SYN3: variants seen among roughly 807,000 people sequenced by gnomAD.
SYN3 encodes the protein synapsin III, also known as synapsin-3.
In SYN3, 35 loss-of-function variants were observed where a neutral mutation model predicts 65.8. The ratio of observed to expected loss-of-function variants is 0.53; its 90% CI spans 0.41 to 0.70. The LOEUF is 0.70. SYN3 is among the 30% of genes least tolerant of loss of function. The probability of loss-of-function intolerance (pLI) is 0.00; values close to 1 mark genes in which losing one functional copy is unlikely to be tolerated. For synonymous variants in SYN3, 270 were observed against 292.9 expected (o/e 0.92, Z 0.80); for missense variants, 680 against 749.0 (o/e 0.91, Z 1.08).
chr22:32,972,771 T>C (rs2052058335), intron 3 of SYN3, among the ~76,000 whole-genome samples: 3 of 152,038 alleles, frequency 2.0e-5, no homozygotes, highest in East Asian at 1.9e-4. Flanking sequence ...GGCAGGAGGA[T>C]TGCTTGAGCC....
intron 2 of SYN3, among the ~76,000 whole-genome samples, chr22:32,984,160 C>T (rs1474583855): frequency 2.9e-4 from 11 of 37,766 alleles, no homozygotes; most frequent in African/African-American, 1.4e-3. Flanking sequence ...GAAACTCCAT[C>T]CAAAAAAAAA....
intron 3 of SYN3, among the ~76,000 whole-genome samples, chr22:32,978,887 T>G (rs2052288548): frequency 6.6e-6 from 1 of 152,298 alleles, no homozygotes; most frequent in Admixed American, 6.5e-5. Flanking sequence ...ATCAATGTTA[T>G]TGTTCTGTAG....
intron 4 of SYN3, among the ~76,000 whole-genome samples, chr22:32,905,397 A>G (rs141676134): frequency 9.1e-4 from 139 of 152,328 alleles, no homozygotes; most frequent in Non-Finnish European, 1.5e-3. Context: ...GTCCCAGAGC[A>G]TAAGGCAAAG....
chr22:32,641,388 C>A lies in SYN3; in HGVS notation c.712-44652G>T, dbSNP rs185077758. On this transcript the variant is annotated intron_variant, in intron 6 of 13. Transcript: ENST00000358763. ...CTTTGGGAGGCTGAGGCAGGCGGAT[C>A]ATGAGGTCAGGAGATCGAGACCATT... Among the ~76,000 whole-genome samples, 546 of 151,978 alleles carry A rather than the reference C, an allele frequency of 3.6e-3. 5 individuals are homozygous for A. Among genetic ancestry groups the A allele is most frequent in the African/African-American group, 0.012 (518 of 41,452 alleles).
intron 1 of SYN3, among the ~76,000 whole-genome samples, chr22:33,042,204 C>T (rs963667351): frequency 6.6e-6 from 1 of 152,064 alleles, no homozygotes; most frequent in Non-Finnish European, 1.5e-5. Context: ...CCCAGCCTCC[C>T]GAACTGTCTC....
At chr22:32,850,443 G>C (rs2048186093) in intron 6 of SYN3, among the ~76,000 whole-genome samples, 1 of 152,130 alleles carries the variant, frequency 6.6e-6, no homozygotes. Context: ...AGGGTGTACT[G>C]GTGATTGCCT....
intron 4 of SYN3, among the ~76,000 whole-genome samples, chr22:32,869,846 A>T (rs1374590186): frequency 6.6e-6 from 1 of 152,054 alleles, no homozygotes; most frequent in Non-Finnish European, 1.5e-5. Flanking sequence ...GATCTGGACC[A>T]TCTCCCCATT....
chr22:32,578,403 C>CG, intron 7 of SYN3, among the ~76,000 whole-genome samples: 1 of 152,156 alleles, frequency 6.6e-6, no homozygotes, highest in East Asian at 1.9e-4. Context: ...TGCACCACCA[C>CG]ACCTGGCATT....
intron 6 of SYN3, among the ~76,000 whole-genome samples, chr22:32,747,078 C>T (rs1477495806): frequency 6.6e-6 from 1 of 152,200 alleles, no homozygotes. Context: ...CAATGGCTAG[C>T]ATTTCTCCTG....
intron 6 of SYN3, among the ~76,000 whole-genome samples, chr22:32,696,146 TG>T (rs1366657514): frequency 2.0e-5 from 3 of 152,256 alleles, no homozygotes; most frequent in Non-Finnish European, 4.4e-5. Flanking sequence ...GTCAGAGGAC[TG>T]GGCTCCTTCT....
rs79095008 is a variant in SYN3, at chr22:32,961,102, C to T, written c.369+19543G>A. Among the ~76,000 whole-genome samples, 506 of 152,278 alleles carry T rather than the reference C, an allele frequency of 3.3e-3. 5 individuals are homozygous for T. Among genetic ancestry groups the T allele is most frequent in the African/African-American group, 0.011 (467 of 41,554 alleles). On this transcript the variant is annotated intron_variant, in intron 3 of 13. Transcript: ENST00000358763. ...TTTTGAGCTATGTAACTCTTTGTTG[C>T]GGAAGACTGTTTTGTGTATTGTAGG...
At chr22:32,634,070 A>T (rs1269533069) in intron 6 of SYN3, among the ~76,000 whole-genome samples, 2 of 152,186 alleles carry the variant, frequency 1.3e-5, no homozygotes, top group Non-Finnish European at 2.9e-5. Flanking sequence ...TGGAAGCAAT[A>T]CTTGCTAACA....
At chr22:32,542,630 ATGTGTGTG>A (rs3838157) in intron 7 of SYN3, among the ~76,000 whole-genome samples, 3 of 135,362 alleles carry the variant, frequency 2.2e-5, no homozygotes, top group Middle Eastern at 3.4e-3. Flanking sequence ...GTTTGTGTGT[ATGTGTGTG>A]TGTGTGTGTG....
intron 6 of SYN3, among the ~76,000 whole-genome samples, chr22:32,777,765 A>G (rs191962065): frequency 6.6e-6 from 1 of 152,172 alleles, no homozygotes; most frequent in East Asian, 1.9e-4. Flanking sequence ...TTTACTCTTC[A>G]TATTTACTTA....
chr22:32,557,738 G>A (rs1192860431), intron 7 of SYN3, among the ~76,000 whole-genome samples: 6 of 152,170 alleles, frequency 3.9e-5, no homozygotes, highest in Admixed American at 1.3e-4. Flanking sequence ...TCCCAGCCTC[G>A]TCACATGCCA....
intron 6 of SYN3, among the ~76,000 whole-genome samples, chr22:32,763,220 C>G (rs2045534158): frequency 6.6e-6 from 1 of 151,878 alleles, no homozygotes; most frequent in South Asian, 2.1e-4. Flanking sequence ...TATCTCAGCT[C>G]ACTGCAAGCT....
chr22:32,934,341 C>T (rs1485722975), intron 3 of SYN3, among the ~76,000 whole-genome samples: 6 of 152,092 alleles, frequency 3.9e-5, no homozygotes, highest in African/African-American at 1.4e-4. Flanking sequence ...AAGAGAGATA[C>T]CTGGAGAGAA....
intron 2 of SYN3, among the ~76,000 whole-genome samples, chr22:33,004,951 G>A (rs2053158377): frequency 6.8e-6 from 1 of 147,766 alleles, no homozygotes. Context: ...TTTGAATCCT[G>A]GGGGTGGTTA....
intron 3 of SYN3, among the ~76,000 whole-genome samples, chr22:32,954,155 G>A (rs1175346241): frequency 1.3e-5 from 2 of 149,786 alleles, no homozygotes; most frequent in Non-Finnish European, 3.0e-5. Context: ...AACAAAAACC[G>A]CACCTGAGAA....
Sources: gnomAD v4.1 joint callset for allele counts (sites outside exome capture counted in the v4.1 genomes callset) on GRCh38, gnomAD v4.1.1 for gene constraint, MANE v1.5 for transcripts, NCBI Gene and HGNC (gene_info 2026-07-23, HGNC 2026-07-21) for gene names.